The following PISD variants were observed in gnomAD, a reference collection of about 807,000 sequenced individuals.
PISD encodes the protein phosphatidylserine decarboxylase, also known as phosphatidylserine decarboxylase proenzyme, mitochondrial.
A neutral mutation model predicts 43.5 loss-of-function variants in PISD; 31 were observed. That is an observed-to-expected ratio of 0.71 (90% CI 0.54 to 0.96). The LOEUF is 0.96. PISD is among the 40% of genes least tolerant of loss of function. The pLI, the probability that PISD is intolerant of heterozygous loss-of-function variation, is 0.00. For missense variants in PISD, 523 were observed against 548.4 expected (o/e 0.95, Z 0.46); for synonymous variants, 259 against 228.7 (o/e 1.13, Z -1.20).
At chr22:31,641,799 G>A (rs528352571) in intron 3 of PISD, among the ~76,000 whole-genome samples, 4 of 150,882 alleles carry the variant, frequency 2.7e-5, no homozygotes, top group East Asian at 1.9e-4. Flanking sequence ...CAGCCTGGGC[G>A]ACAGAGTGAG....
rs1266893421 is a variant in PISD at position 31,642,668 on chromosome 22, A to G, written c.321+5433T>C. Among the ~76,000 whole-genome samples, 2 of 149,390 alleles carry G rather than the reference A, an allele frequency of 1.3e-5. 1 individual carries two copies. Among genetic ancestry groups the G allele is most frequent in the African/African-American group, 5.1e-5 (2 of 39,374 alleles). Reference sequence around the variant, plus strand: ...ATTAGCTGGGCGTGGTGGTGCGCGCACCTGTAGTCCCGGCTGCTTGGGAGA... The same window carrying G: ...ATTAGCTGGGCGTGGTGGTGCGCGCGCCTGTAGTCCCGGCTGCTTGGGAGA... On this transcript the variant is annotated intron_variant, in intron 3 of 7. Coordinates refer to ENST00000439502, the MANE Select transcript of PISD (RefSeq NM_001326411.2).
In PISD at chr22:31,660,340, CCTCCT is replaced by C. The variant is rs2074283233; in HGVS notation, c.65+1799_65+1803del. ...TTTAATGATGGTGACTGAGGTACAG[CCTCCT>C]CTCATCATTTAAAAAAATTATTTTA... On this transcript the variant is annotated intron_variant, in intron 1 of 7. Transcript: ENST00000439502. Among the ~76,000 whole-genome samples the C allele has an allele frequency of 3.3e-5, 5 of 152,104 alleles. 1 individual carries two copies. The South Asian group carries it at 1.0e-3, about 31-fold the overall frequency.
chr22:31,631,799 C>T (rs2073215837), intron 3 of PISD, among the ~76,000 whole-genome samples: 1 of 152,226 alleles, frequency 6.6e-6, no homozygotes, highest in Admixed American at 6.5e-5. Flanking sequence ...GTGGGAGCAA[C>T]TGAGCACGCC....
chr22:31,648,512 A>G (rs571645962), intron 2 of PISD, among the ~76,000 whole-genome samples: 2 of 152,054 alleles, frequency 1.3e-5, no homozygotes, highest in African/African-American at 2.4e-5. Flanking sequence ...AAAAATACAA[A>G]AAGAAAACTT....
At position 31,660,607 on chromosome 22, in the gene PISD, A is replaced by G. The variant is rs576249495; in HGVS notation, c.65+1537T>C. ...CAGGAGGTGGAGGCTGCAGTGAGCC[A>G]TCATCACACCACTGCACTCCCTCTT... On this transcript the variant is annotated intron_variant, in intron 1 of 7. Coordinates refer to ENST00000439502, the MANE Select transcript of PISD (RefSeq NM_001326411.2). Among the ~76,000 whole-genome samples, 10 of 152,306 alleles carry G rather than the reference A, an allele frequency of 6.6e-5. No individual in the cohort carries two copies. The East Asian group carries it at 1.9e-3, about 29-fold the overall frequency.
chr22:31,629,743 C>G (rs1019494475), intron 3 of PISD: 2 of 152,130 alleles, frequency 1.3e-5, no homozygotes, highest in African/African-American at 4.8e-5. Flanking sequence ...CTTAGCAAGG[C>G]GGAGCAGGCA....
At position 31,619,627 on chromosome 22, in the gene PISD, G is replaced by A. The variant is rs1036704923; in HGVS notation, c.1215C>T (p.Ala405=). The change falls in exon 8 of 8, where the codon GCC becomes GCT. Residue 405 remains alanine, a synonymous_variant. Transcript: ENST00000439502. ...KTGQKIRFGE[A]LGSL Reference sequence around the variant, plus strand: ...GAAAGAGACTCTAGAGCGAGCCCAGGGCTTCCCCAAAGCGGATTTTCTGTC... The same window carrying A: ...GAAAGAGACTCTAGAGCGAGCCCAGAGCTTCCCCAAAGCGGATTTTCTGTC... 1.2e-6 allele frequency: 2 copies of A among 1,613,718 alleles called. No individual in the cohort carries two copies. The highest frequency in any genetic ancestry group is 1.3e-5 in the African/African-American group (1 of 74,914).
chr22:31,651,757 A>G, intron 1 of PISD, among the ~76,000 whole-genome samples: 1 of 152,218 alleles, frequency 6.6e-6, no homozygotes. Context: ...TCAAAAAAAA[A>G]GGAAAATACT....
In PISD at chr22:31,637,156, AAAAAAAAAATATATATATATATAT is replaced by A. The variant is rs1257369807; in HGVS notation, c.321+10921_321+10944del. On this transcript the variant is annotated intron_variant, in intron 3 of 7. Coordinates refer to ENST00000439502, the MANE Select transcript of PISD (RefSeq NM_001326411.2). Reference sequence around the variant, plus strand: ...TAATAAATAAATTAAAAAAAAAAAAAAAAAAAAAATATATATATATATATATATATATATATATATATATATATA... The same window carrying A: ...TAATAAATAAATTAAAAAAAAAAAAAATATATATATATATATATATATATA... Among the ~76,000 whole-genome samples, 207 of 42,408 alleles carry A rather than the reference AAAAAAAAAATATATATATATATAT, an allele frequency of 4.9e-3. 7 individuals are homozygous for A. Among genetic ancestry groups the A allele is most frequent in the African/African-American group, 0.017 (169 of 9,850 alleles). 27.8% of individuals were successfully genotyped at this position (42,408 alleles called of 152,430 possible). A position where few individuals can be genotyped will look rare whatever the true frequency, so the allele number is the denominator to read the frequency against.
At chr22:31,645,363 C>G (rs935644886) in intron 3 of PISD, among the ~76,000 whole-genome samples, 2 of 151,726 alleles carry the variant, frequency 1.3e-5, no homozygotes, top group African/African-American at 4.8e-5. Flanking sequence ...CGTGATCATG[C>G]CACTGTACTC....
chr22:31,626,031 C>T (rs1035496205), intron 3 of PISD: 1 of 1,431,834 alleles, frequency 7.0e-7, no homozygotes, highest in African/African-American at 1.4e-5. Flanking sequence ...TGCAGACAGA[C>T]AGGCACTGGT....
intron 1 of PISD, among the ~76,000 whole-genome samples, chr22:31,657,689 AT>A (rs375982705): frequency 1.3e-5 from 2 of 149,444 alleles, no homozygotes; most frequent in Non-Finnish European, 3.0e-5. Flanking sequence ...CACCCGGCTA[AT>A]TTTTTTTTGT....
chr22:31,661,994 G>T, intron 1 of PISD, 150 bp downstream of exon 1: 1 of 694,164 alleles, frequency 1.4e-6, no homozygotes, highest in Non-Finnish European at 2.5e-6. Flanking sequence ...AGGAGCAGTC[G>T]CACCTGCTCC....
At chr22:31,625,723 G>A (rs558824589) in intron 3 of PISD, 28 of 1,562,266 alleles carry the variant, frequency 1.8e-5, no homozygotes, top group Middle Eastern at 1.7e-4. Flanking sequence ...AGGTCGTGGC[G>A]GGGAACCGTG....
chr22:31,641,348 C>G (rs2073720283), intron 3 of PISD, among the ~76,000 whole-genome samples: 1 of 152,064 alleles, frequency 6.6e-6, no homozygotes, highest in South Asian at 2.1e-4. Context: ...TAAGGGTGAC[C>G]TGAACACAAG....
chr22:31,648,127 G>T lies in PISD; in HGVS notation c.295C>A (p.Pro99Thr). 1 of 1,611,744 alleles carries T rather than the reference G, an allele frequency of 6.2e-7. No individual in the cohort carries two copies. Among genetic ancestry groups the T allele is most frequent in the Non-Finnish European group, 8.5e-7 (1 of 1,179,686 alleles). Residue 99 changes from proline to threonine, a missense_variant, in exon 3 of 8, where the codon CCA becomes ACA. Coordinates refer to ENST00000439502, the MANE Select transcript of PISD (RefSeq NM_001326411.2). ...TCCCAGTGACCAGCAAGTTTGGGTG[G>T]AATCTCCAATCCCAGCTTCTCCAGC... is the stretch of plus-strand genomic sequence containing the variant. The part of the protein sequence containing the change: ...RELEKLGLEI[P>T]PKLAGHWEVA...
At chr22:31,642,794 C>CA (rs781163913) in intron 3 of PISD, among the ~76,000 whole-genome samples, 882 of 71,616 alleles carry the variant, frequency 0.012, 21 homozygotes, top group African/African-American at 0.04. Flanking sequence ...GACTCAGTTT[C>CA]AAAAAAAAAA....
Position 31,620,657 on chromosome 22 carries a change from GGCA to G in PISD, c.898_900del (p.Cys300del). 1 of 1,614,214 alleles carries G rather than the reference GGCA, an allele frequency of 6.2e-7. No homozygotes were observed. The highest frequency in any genetic ancestry group is 8.5e-7 in the Non-Finnish European group (1 of 1,180,010). ...CCCGTCAGGACCACCCGCTCGTTATGGCAGAAGAGCTCTTTGATCCAGCGAGCC... is the reference window on the plus strand; with the variant it reads ...CCCGTCAGGACCACCCGCTCGTTATGGAAGAGCTCTTTGATCCAGCGAGCC... On this transcript the variant is annotated inframe_deletion, in exon 7 of 8. Coordinates refer to ENST00000439502, the MANE Select transcript of PISD (RefSeq NM_001326411.2).
At chr22:31,623,289 A>G (rs1027230961) in intron 3 of PISD, among the ~76,000 whole-genome samples, 3 of 151,932 alleles carry the variant, frequency 2.0e-5, no homozygotes, top group Non-Finnish European at 4.4e-5. Context: ...ATCCTGAACC[A>G]CCCCTTTGGC....
Sources: gnomAD v4.1 joint callset for allele counts (sites outside exome capture counted in the v4.1 genomes callset) on GRCh38, gnomAD v4.1.1 for gene constraint, MANE v1.5 for transcripts, NCBI Gene and HGNC (gene_info 2026-07-23, HGNC 2026-07-21) for gene names.